The following HTT variants were observed in gnomAD, a reference collection of about 807,000 sequenced individuals.
HTT encodes huntington disease protein.
HTT carries 104 observed loss-of-function variants against 362.3 expected under a neutral mutation model. The ratio of observed to expected loss-of-function variants is 0.29; its 90% CI spans 0.24 to 0.34. The LOEUF (loss-of-function observed/expected upper bound fraction) is 0.34, where lower values mean the gene tolerates loss of function less well. Among genes scored for constraint, HTT ranks in the 10% least tolerant of loss-of-function variants. The probability of loss-of-function intolerance (pLI) is 1.00; values close to 1 mark genes in which losing one functional copy is unlikely to be tolerated. For missense variants in HTT, 3,301 were observed against 3,928.6 expected (o/e 0.84, Z 4.27); for synonymous variants, 1,577 against 1,548.7 (o/e 1.02, Z -0.43).
intron 12 of HTT, chr4:3,128,591 C>G (rs1435373833): frequency 6.6e-6 from 1 of 152,072 alleles, no homozygotes; most frequent in African/African-American, 2.4e-5. Context: ...ATTTTAAGAA[C>G]TTTTGACTTT....
At chr4:3,233,031 TG>T in intron 60 of HTT, 131 bp from the exon 61 acceptor site, 1 of 687,244 alleles carries the variant, frequency 1.5e-6, no homozygotes, top group Non-Finnish European at 2.4e-6. Flanking sequence ...CCTCTCAGGA[TG>T]GTCTCCGGCC....
intron 16 of HTT, among the ~76,000 whole-genome samples, chr4:3,131,994 A>T (rs137998697): frequency 8.1e-4 from 124 of 152,348 alleles, no homozygotes; most frequent in African/African-American, 2.7e-3. Flanking sequence ...TAGAAACCTC[A>T]GCACGTAAGA....
In HTT at chr4:3,151,196, C is replaced by T. The variant is rs1049904966; in HGVS notation, c.3498+2989C>T. On this transcript the variant is annotated intron_variant, in intron 26 of 66. Transcript: ENST00000355072. ...TTCTCACACTTCTGTAAAGACATAC[C>T]TGAGACATATAAAGAAAAGAGGTTT... Among the ~76,000 whole-genome samples the T allele has an allele frequency of 2.6e-5, 4 of 152,250 alleles. No individual in the cohort carries two copies. In the South Asian group the frequency reaches 8.3e-4, roughly 32 times the overall value.
In HTT at chr4:3,074,702, T is replaced by C; in HGVS notation, c.-124T>C. 1 of 1,057,558 alleles carries C rather than the reference T, an allele frequency of 9.5e-7. No homozygotes were observed. The highest frequency in any genetic ancestry group is 1.3e-6 in the Non-Finnish European group (1 of 778,998). 65.5% of individuals were successfully genotyped at this position (1,057,558 alleles called of 1,614,324 possible). On this transcript the variant is annotated 5_prime_UTR_variant, in exon 1 of 67. An upstream start codon of the reference 5' UTR is lost. Coordinates refer to ENST00000355072, the MANE Select transcript of HTT (RefSeq NM_001388492.1). ...GGGGGCTGCCGGGACGGGTCCAAGA[T>C]GGACGGCCGCTCAGGTTCTGCTTTT... is the stretch of plus-strand genomic sequence containing the variant.
At chr4:3,098,245 A>G (rs886376323) in intron 2 of HTT, among the ~76,000 whole-genome samples, 1 of 152,198 alleles carries the variant, frequency 6.6e-6, no homozygotes, top group African/African-American at 2.4e-5. Flanking sequence ...GCTAAGTGGC[A>G]TGTTTTGTTT....
At chr4:3,172,825 C>T in intron 30 of HTT, 83 bp from the exon 31 acceptor site, 1 of 957,520 alleles carries the variant, frequency 1.0e-6, no homozygotes, top group Non-Finnish European at 1.7e-6. Context: ...CAGTTATTTA[C>T]AGATGGATTT....
Position 3,223,851 on chromosome 4 carries a change from A to G in HTT, c.7626-141A>G, listed in dbSNP as rs1359413707. ...AGAACACCCACTTAAGGGCTCACGG[A>G]CAGGTGCTCACTTAGGAAGTGAGTT... On this transcript the variant is annotated intron_variant, in intron 55 of 66. Transcript: ENST00000355072. 3.0e-5 allele frequency: 25 copies of G among 825,890 alleles called. No homozygotes were observed. The East Asian group carries it at 6.2e-4, about 21-fold the overall frequency. 51.2% of individuals were successfully genotyped at this position (825,890 alleles called of 1,614,324 possible).
At chr4:3,235,838 C>T in intron 63 of HTT, 60 bp downstream of exon 63, 2 of 1,326,210 alleles carry the variant, frequency 1.5e-6, no homozygotes, top group African/African-American at 1.4e-5. Context: ...GAGGCAGGAG[C>T]ATGCTCACTC....
chr4:3,144,200 T>C (rs1406108056), intron 23 of HTT, among the ~76,000 whole-genome samples: 2 of 152,250 alleles, frequency 1.3e-5, no homozygotes, highest in Non-Finnish European at 2.9e-5. Context: ...ATGATTTTTT[T>C]CTTCTTTATA....
At chr4:3,236,338 C>A in intron 64 of HTT, 84 bp downstream of exon 64, 1 of 937,878 alleles carries the variant, frequency 1.1e-6, no homozygotes, top group South Asian at 1.3e-5. Flanking sequence ...GTCTGCTGAT[C>A]CCCTGGCGCT....
chr4:3,121,348 G>A lies in HTT; in HGVS notation c.1189G>A (p.Ala397Thr), dbSNP rs372410485. 1.1e-5 allele frequency: 17 copies of A among 1,614,118 alleles called. No individual in the cohort carries two copies. In the South Asian group the frequency reaches 1.1e-4, roughly 10 times the overall value. ...ACCCGAGCTTCTGCAAACCCTGACCGCAGTCGGGGGCATTGGGCAGCTCAC... is the reference window on the plus strand; with the variant it reads ...ACCCGAGCTTCTGCAAACCCTGACCACAGTCGGGGGCATTGGGCAGCTCAC... ...PPPELLQTLT[A>T]VGGIGQLTAA... Residue 397 changes from alanine (A) to threonine (T), a missense_variant, in exon 9 of 67, where the codon GCA becomes ACA. This residue lies in a region of HTT where 2,316 missense variants were observed against 2,658.5 expected (regional missense o/e 0.87). Transcript: ENST00000355072.
intron 33 of HTT, among the ~76,000 whole-genome samples, chr4:3,176,576 C>T (rs932993747): frequency 6.6e-6 from 1 of 152,162 alleles, no homozygotes; most frequent in Non-Finnish European, 1.5e-5. Context: ...GGCACGGGTA[C>T]CCCAAGGGAA....
intron 6 of HTT, among the ~76,000 whole-genome samples, chr4:3,114,163 G>A (rs201041401): frequency 2.0e-5 from 3 of 152,236 alleles, no homozygotes; most frequent in African/African-American, 2.4e-5. Context: ...CTAGTTAACC[G>A]CAGCAGGAGC....
chr4:3,078,472 A>AAAAATT (rs1475440907), intron 1 of HTT, among the ~76,000 whole-genome samples: 6 of 152,172 alleles, frequency 3.9e-5, no homozygotes, highest in African/African-American at 1.2e-4. Context: ...TTATTTTTAA[A>AAAAATT]AAAATTGTTA....
intron 60 of HTT, among the ~76,000 whole-genome samples, chr4:3,230,615 G>A (rs1272759946): frequency 6.6e-6 from 1 of 152,184 alleles, no homozygotes; most frequent in Non-Finnish European, 1.5e-5. Flanking sequence ...TTTATAAACA[G>A]TGGAAATTTA....
chr4:3,231,542 G>A (rs1423397206), intron 60 of HTT, among the ~76,000 whole-genome samples: 2 of 152,190 alleles, frequency 1.3e-5, no homozygotes, highest in African/African-American at 2.4e-5. Flanking sequence ...CTCTCTGCGA[G>A]TCTTGACTGC....
intron 29 of HTT, among the ~76,000 whole-genome samples, chr4:3,170,681 G>C (rs1192901516): frequency 6.6e-6 from 1 of 152,160 alleles, no homozygotes; most frequent in African/African-American, 2.4e-5. Context: ...CCTCCTCCTT[G>C]TGCCACAGCC....
At chr4:3,220,062 G>A in intron 52 of HTT, 120 bp from the exon 53 acceptor site, 3 of 1,077,404 alleles carry the variant, frequency 2.8e-6, no homozygotes, top group Non-Finnish European at 4.1e-6. Flanking sequence ...TGCCAGCTCT[G>A]GGACAGTGTT....
chr4:3,165,584 A>G (rs973680896), intron 29 of HTT, among the ~76,000 whole-genome samples: 3 of 151,986 alleles, frequency 2.0e-5, no homozygotes, highest in Non-Finnish European at 4.4e-5. Context: ...ACATAGTCCC[A>G]TATTTCTTGG....
Sources: gnomAD v4.1 joint callset for allele counts (sites outside exome capture counted in the v4.1 genomes callset) on GRCh38, gnomAD v4.1.1 for gene constraint, gnomAD v4.1.1 regional missense constraint, MANE v1.5 for transcripts, NCBI Gene and HGNC (gene_info 2026-07-23, HGNC 2026-07-21) for gene names.